Variants in PCDHGA3 observed in about 807,000 individuals in gnomAD.
PCDHGA3 encodes protocadherin gamma subfamily A, 3, also known as protocadherin gamma-A3.
A neutral mutation model predicts 58.5 loss-of-function variants in PCDHGA3; 40 were observed. The ratio of observed to expected loss-of-function variants is 0.68; its 90% CI spans 0.53 to 0.89. The LOEUF is 0.89. Ranked by LOEUF, PCDHGA3 falls within the 40% of genes least tolerant of loss-of-function variation. The pLI, the probability that PCDHGA3 is intolerant of heterozygous loss-of-function variation, is 0.00. For synonymous variants in PCDHGA3, 530 were observed against 525.7 expected (o/e 1.01, Z -0.11); for missense variants, 1,223 against 1,195.9 (o/e 1.02, Z -0.33).
rs368075478 is a variant in PCDHGA3, at chr5:141,403,866, A to G, written c.2424+57409A>G. The G allele has an allele frequency of 1.3e-4, 207 of 1,613,762 alleles. No individual in the cohort carries two copies. Among genetic ancestry groups the G allele is most frequent in the Non-Finnish European group, 1.6e-4 (186 of 1,179,844 alleles). On this transcript the variant is annotated intron_variant, in intron 1 of 3. Transcript: ENST00000253812. ...AATACTGGGGAAATATCAACAGCAA[A>G]AAGTCTAGATTATGAAGAATGTTCA...
intron 1 of PCDHGA3, chr5:141,421,487 C>A (rs1447180364): frequency 6.2e-7 from 1 of 1,613,976 alleles, no homozygotes; most frequent in East Asian, 2.2e-5. Context: ...AGCTTGATCA[C>A]GGCAGGCAGG....
rs144482292 is a variant in PCDHGA3 at position 141,385,630 on chromosome 5, C to T, written c.2424+39173C>T. 4.8e-3 allele frequency: 4,617 copies of T among 957,834 alleles called. 22 individuals are homozygous for T. The highest frequency in any genetic ancestry group is 0.011 in the Admixed American group (240 of 22,730). The allele number at this position is 957,834 out of a possible 1,614,324, so 59.3% of individuals were successfully genotyped here. ...ATATATTTTATACATTGGAATGAAT[C>T]GAGTCTTTCATATTGCACAAGGTTA... is the stretch of plus-strand genomic sequence containing the variant. On this transcript the variant is annotated intron_variant, in intron 1 of 3. Coordinates refer to ENST00000253812, the MANE Select transcript of PCDHGA3 (RefSeq NM_018916.4).
At chr5:141,352,287 A>G (rs758145608) in intron 1 of PCDHGA3, 14 of 1,613,930 alleles carry the variant, frequency 8.7e-6, no homozygotes, top group Non-Finnish European at 8.5e-7. Flanking sequence ...GACCGCCCTG[A>G]GCCCTCTGAC....
chr5:141,480,730 G>A (rs1261461187), intron 1 of PCDHGA3, among the ~76,000 whole-genome samples: 1 of 152,168 alleles, frequency 6.6e-6, no homozygotes, highest in East Asian at 1.9e-4. Flanking sequence ...GTCTCTGGGG[G>A]TGGGACATAG....
intron 1 of PCDHGA3, chr5:141,351,561 T>A (rs767147157): frequency 1.2e-6 from 2 of 1,614,004 alleles, no homozygotes; most frequent in Non-Finnish European, 8.5e-7. Flanking sequence ...AGGACAAGCA[T>A]CACCCTGCAC....
At chr5:141,394,332 A>G (rs1270394666) in intron 1 of PCDHGA3, 2 of 1,614,010 alleles carry the variant, frequency 1.2e-6, no homozygotes, top group Admixed American at 1.7e-5. Context: ...GTATATCTCC[A>G]TCAACTCTGA....
intron 1 of PCDHGA3, chr5:141,384,552 C>T (rs752995629): frequency 3.7e-6 from 6 of 1,614,148 alleles, no homozygotes; most frequent in Admixed American, 3.3e-5. Flanking sequence ...TGAGCCTGTT[C>T]GTGCTGGACC....
At chr5:141,364,796 T>C in intron 1 of PCDHGA3, 2 of 1,614,046 alleles carry the variant, frequency 1.2e-6, no homozygotes, top group South Asian at 2.2e-5. Context: ...AGTGCTTCCC[T>C]TCGCGCGGGA....
intron 1 of PCDHGA3, among the ~76,000 whole-genome samples, chr5:141,446,149 G>T (rs2098490670): frequency 6.6e-6 from 1 of 152,178 alleles, no homozygotes; most frequent in Non-Finnish European, 1.5e-5. Context: ...GGAATAGGTG[G>T]AATATAAATT....
chr5:141,498,684 C>T (rs1255085852), intron 2 of PCDHGA3, among the ~76,000 whole-genome samples: 1 of 152,192 alleles, frequency 6.6e-6, no homozygotes, highest in South Asian at 2.1e-4. Flanking sequence ...GTAATCCCAG[C>T]ACTTTGGGAG....
intron 1 of PCDHGA3, among the ~76,000 whole-genome samples, chr5:141,450,313 T>G (rs2098676929): frequency 6.6e-6 from 1 of 152,172 alleles, no homozygotes; most frequent in Middle Eastern, 3.4e-3. Context: ...ATGTGTGGCC[T>G]AGTTGCCATG....
Position 141,421,984 on chromosome 5 carries a change from C to G in PCDHGA3, c.2425-72823C>G, listed in dbSNP as rs201871921. On this transcript the variant is annotated intron_variant, in intron 1 of 3. Transcript: ENST00000253812. ...ACAGTCCGTATATCGCGTGAGTGTT[C>G]CAGAAAACATCAGCTCCGGAACTCG... 21 of 1,608,770 alleles carry G rather than the reference C, an allele frequency of 1.3e-5. No homozygotes were observed. In the Admixed American group the frequency reaches 2.4e-4, roughly 18 times the overall value.
At chr5:141,365,319 G>C (rs745669256) in intron 1 of PCDHGA3, 34 of 1,613,864 alleles carry the variant, frequency 2.1e-5, no homozygotes, top group Non-Finnish European at 2.9e-5. Flanking sequence ...CTTGTTGCCA[G>C]CGCTAAGGTG....
intron 1 of PCDHGA3, chr5:141,377,304 A>G (rs1051630740): frequency 2.6e-5 from 4 of 152,154 alleles, no homozygotes; most frequent in African/African-American, 9.7e-5. Context: ...GGTCAGTGTT[A>G]AAGATCAAGA....
intron 1 of PCDHGA3, chr5:141,372,130 C>G (rs1434489801): frequency 1.2e-6 from 2 of 1,613,648 alleles, no homozygotes; most frequent in Non-Finnish European, 1.7e-6. Context: ...GATATGGTGC[C>G]GCGCTCTGCA....
At chr5:141,375,616 T>A (rs745318336) in intron 1 of PCDHGA3, 5 of 1,614,200 alleles carry the variant, frequency 3.1e-6, no homozygotes, top group Admixed American at 1.7e-5. Flanking sequence ...ACTCCGACAC[T>A]GGGATTCTGT....
rs376452870 is a variant in PCDHGA3 at position 141,423,273 on chromosome 5, G to A, written c.2425-71534G>A. 34 of 1,613,778 alleles carry A rather than the reference G, an allele frequency of 2.1e-5. No homozygotes were observed. In the African/African-American group the frequency reaches 4.4e-4, roughly 21 times the overall value. Reference sequence around the variant, plus strand: ...CGGACCTCGGCAGCCTCGAGTCTCTGGCTAACTCTGAAACCTCAGACCTCT... The same window carrying A: ...CGGACCTCGGCAGCCTCGAGTCTCTAGCTAACTCTGAAACCTCAGACCTCT... On this transcript the variant is annotated intron_variant, in intron 1 of 3. Coordinates refer to ENST00000253812, the MANE Select transcript of PCDHGA3 (RefSeq NM_018916.4).
rs1430260899 is a variant in PCDHGA3, at chr5:141,415,763, T to G, written c.2424+69306T>G. On this transcript the variant is annotated intron_variant, in intron 1 of 3. Transcript: ENST00000253812. ...AGGTTTTTTTTTTTTTTTTTTTTTT[T>G]TTTTTTTTTACTTTCTGGTAAAATT... is the stretch of plus-strand genomic sequence containing the variant. The G allele has an allele frequency of 1.1e-5, 15 of 1,398,354 alleles. No homozygotes were observed. The African/African-American group carries it at 2.1e-4, about 19-fold the overall frequency. 86.6% of individuals were successfully genotyped at this position (1,398,354 alleles called of 1,614,324 possible). A position where few individuals can be genotyped will look rare whatever the true frequency, so the allele number is the denominator to read the frequency against.
At chr5:141,495,269 CGGAGGAGGCG>C (rs2099759953) in intron 2 of PCDHGA3, among the ~76,000 whole-genome samples, 1 of 152,180 alleles carries the variant, frequency 6.6e-6, no homozygotes, top group Non-Finnish European at 1.5e-5. Context: ...AGCATTTGAC[CGGAGGAGGCG>C]GTCCGCACTC....
Sources: allele counts gnomAD v4.1 joint callset (sites outside exome capture counted in the v4.1 genomes callset), GRCh38; gene constraint gnomAD v4.1.1; transcripts MANE v1.5; gene names NCBI Gene and HGNC (gene_info 2026-07-23, HGNC 2026-07-21).